The following SCHIP1 variants were observed in gnomAD, a reference collection of about 807,000 sequenced individuals.
SCHIP1 encodes schwannomin-interacting protein 1.
SCHIP1 carries 8 observed loss-of-function variants against 29.7 expected under a neutral mutation model. That is an observed-to-expected ratio of 0.27 (90% confidence interval 0.16 to 0.49). The LOEUF (loss-of-function observed/expected upper bound fraction) is 0.49, where lower values mean the gene tolerates loss of function less well. Among genes scored for constraint, SCHIP1 ranks in the 20% least tolerant of loss-of-function variants. The pLI, the probability that SCHIP1 is intolerant of heterozygous loss-of-function variation, is 0.99. For missense variants in SCHIP1, 193 were observed against 294.6 expected (o/e 0.66, Z 2.52); for synonymous variants, 76 against 94.9 (o/e 0.80, Z 1.16).
exon 7 of SCHIP1, chr3:159,896,895 G>T: frequency 9.6e-7 from 1 of 1,046,200 alleles, no homozygotes. Context: ...AATGTCTGAA[G>T]CTTAATGTCC....
chr3:159,628,432 GA>G, the SCHIP1 span, among the ~76,000 whole-genome samples: 18 of 152,096 alleles, frequency 1.2e-4, no homozygotes, highest in Non-Finnish European at 2.4e-4. Flanking sequence ...ACCAAGAGAA[GA>G]AGAAAAACAG....
the SCHIP1 span, among the ~76,000 whole-genome samples, chr3:159,569,252 T>C: frequency 2.6e-5 from 4 of 152,160 alleles, no homozygotes; most frequent in African/African-American, 9.7e-5. Flanking sequence ...TGTGCCATGT[T>C]GGTTTGCTGC....
At chr3:159,798,534 G>GA in the SCHIP1 span, among the ~76,000 whole-genome samples, 3 of 151,968 alleles carry the variant, frequency 2.0e-5, no homozygotes, top group Non-Finnish European at 4.4e-5. Context: ...GAAGCGGGGG[G>GA]ATCACTTGAG....
At chr3:159,877,469 T>C (rs752124763) in intron 2 of SCHIP1, among the ~76,000 whole-genome samples, 9 of 152,224 alleles carry the variant, frequency 5.9e-5, no homozygotes, top group Non-Finnish European at 5.9e-5. Flanking sequence ...AGTCACAAAC[T>C]AAATCATGAA....
At chr3:159,395,885 C>G in the SCHIP1 span, among the ~76,000 whole-genome samples, 1 of 151,870 alleles carries the variant, frequency 6.6e-6, no homozygotes, top group East Asian at 1.9e-4. Context: ...TGTTGACTTT[C>G]TGTCTCATTG....
chr3:159,275,118 G>A, the SCHIP1 span: 5 of 950,532 alleles, frequency 5.3e-6, no homozygotes, highest in Non-Finnish European at 6.3e-6. Flanking sequence ...GGAGACCTTA[G>A]TATACATTTT....
the SCHIP1 span, among the ~76,000 whole-genome samples, chr3:159,476,235 T>C: frequency 6.6e-6 from 1 of 152,164 alleles, no homozygotes; most frequent in Non-Finnish European, 1.5e-5. Context: ...AGTTAAGGGC[T>C]GATAAGGCAA....
At chr3:159,650,055 G>C in the SCHIP1 span, among the ~76,000 whole-genome samples, 1 of 152,164 alleles carries the variant, frequency 6.6e-6, no homozygotes, top group Non-Finnish European at 1.5e-5. Context: ...CCTAGAGTCT[G>C]TAGCTTTATT....
the SCHIP1 span, among the ~76,000 whole-genome samples, chr3:159,816,153 C>T: frequency 8.3e-4 from 126 of 152,118 alleles, no homozygotes; most frequent in Admixed American, 2.5e-3. Flanking sequence ...TTCATCATGT[C>T]GGCCAGGCTG....
the SCHIP1 span, among the ~76,000 whole-genome samples, chr3:159,818,618 G>C: frequency 4.6e-5 from 7 of 152,230 alleles, no homozygotes; most frequent in Admixed American, 3.3e-4. Context: ...CCAGCATGCT[G>C]TCTGTCATCA....
chr3:159,470,931 G>A, the SCHIP1 span, among the ~76,000 whole-genome samples: 1 of 152,010 alleles, frequency 6.6e-6, no homozygotes, highest in Non-Finnish European at 1.5e-5. Context: ...TGACATGCTG[G>A]AAAAGGCAAA....
chr3:159,652,487 C>T, the SCHIP1 span, among the ~76,000 whole-genome samples: 1 of 152,168 alleles, frequency 6.6e-6, no homozygotes, highest in Non-Finnish European at 1.5e-5. Flanking sequence ...TGGGTACCTA[C>T]TCTGCCAGGT....
chr3:159,528,489 A>T, the SCHIP1 span, among the ~76,000 whole-genome samples: 1 of 152,160 alleles, frequency 6.6e-6, no homozygotes, highest in Admixed American at 6.6e-5. Flanking sequence ...TGGCGACTCT[A>T]CTTGCACTCC....
the SCHIP1 span, among the ~76,000 whole-genome samples, chr3:159,738,255 A>C: frequency 6.6e-6 from 1 of 151,862 alleles, no homozygotes; most frequent in Non-Finnish European, 1.5e-5. Context: ...TAAATTACAA[A>C]AAAAAAAAAT....
the SCHIP1 span, among the ~76,000 whole-genome samples, chr3:159,364,743 G>A: frequency 2.0e-5 from 3 of 152,234 alleles, no homozygotes; most frequent in East Asian, 3.9e-4. Context: ...AGTGACTCAC[G>A]GGTTCAAAGC....
chr3:159,575,927 T>C, the SCHIP1 span, among the ~76,000 whole-genome samples: 1 of 152,188 alleles, frequency 6.6e-6, no homozygotes, highest in Non-Finnish European at 1.5e-5. Flanking sequence ...TTTGCTTATA[T>C]TTTACATCAT....
chr3:159,531,242 A>G, the SCHIP1 span, among the ~76,000 whole-genome samples: 1 of 152,220 alleles, frequency 6.6e-6, no homozygotes, highest in Admixed American at 6.5e-5. Flanking sequence ...GGGGATAACC[A>G]TATTAATTAC....
the SCHIP1 span, chr3:159,306,688 G>A: frequency 2.4e-5 from 7 of 292,502 alleles, no homozygotes; most frequent in Non-Finnish European, 3.6e-5. Flanking sequence ...GATTTATGGA[G>A]AAGATGTATA....
chr3:159,447,262 A>G, the SCHIP1 span, among the ~76,000 whole-genome samples: 1 of 152,172 alleles, frequency 6.6e-6, no homozygotes, highest in East Asian at 1.9e-4. Context: ...AATATAACTT[A>G]TTAAAATCTT....
Sources: gnomAD v4.1 joint callset for allele counts (sites outside exome capture counted in the v4.1 genomes callset) on GRCh38, gnomAD v4.1.1 for gene constraint, MANE v1.5 for transcripts, NCBI Gene and HGNC (gene_info 2026-07-23, HGNC 2026-07-21) for gene names.